The following RANBP2 variants were observed in gnomAD, a reference collection of about 807,000 sequenced individuals.
RANBP2 encodes E3 SUMO-protein ligase RanBP2.
A neutral mutation model predicts 303.6 loss-of-function variants in RANBP2; 57 were observed. That is an observed-to-expected ratio of 0.19 (90% CI 0.15 to 0.23). The LOEUF is 0.23. Among genes scored for constraint, RANBP2 ranks in the 10% least tolerant of loss-of-function variants. RANBP2 has a pLI of 1.00. For missense variants in RANBP2, 3,138 were observed against 3,780.8 expected, an observed-to-expected ratio of 0.83 and a Z score of 4.46; for synonymous variants, 1,167 against 1,301.5, an observed-to-expected ratio of 0.90 and a Z score of 2.23.
At chr2:108,845,512 A>G in the RANBP2 span, among the ~76,000 whole-genome samples, 1 of 152,002 alleles carries the variant, frequency 6.6e-6, no homozygotes, top group Non-Finnish European at 1.5e-5. Flanking sequence ...TTAAGTTTTT[A>G]CCAAATCTGG....
chr2:109,680,573 A>C, the RANBP2 span, among the ~76,000 whole-genome samples: 1 of 152,130 alleles, frequency 6.6e-6, no homozygotes, highest in African/African-American at 2.4e-5. Flanking sequence ...ATGTGTGTTG[A>C]GCAGCACTTC....
At chr2:109,470,759 C>G in the RANBP2 span, among the ~76,000 whole-genome samples, 1 of 152,246 alleles carries the variant, frequency 6.6e-6, no homozygotes, top group Admixed American at 6.5e-5. Context: ...GGCTCAGCCA[C>G]CCCTGTTCCA....
chr2:108,927,278 C>G, the RANBP2 span, among the ~76,000 whole-genome samples: 1 of 152,132 alleles, frequency 6.6e-6, no homozygotes, highest in Non-Finnish European at 1.5e-5. Context: ...CTGAGCAGGT[C>G]ACTGTCCCAT....
the RANBP2 span, among the ~76,000 whole-genome samples, chr2:109,323,487 G>A: frequency 6.6e-6 from 1 of 152,212 alleles, no homozygotes; most frequent in African/African-American, 2.4e-5. Context: ...TGCATTCTCT[G>A]TTAGTGATTG....
the RANBP2 span, among the ~76,000 whole-genome samples, chr2:109,551,101 AAAGG>A: frequency 3.9e-5 from 6 of 152,240 alleles, no homozygotes; most frequent in Non-Finnish European, 1.5e-5. Context: ...TCTTGTCAAT[AAAGG>A]AATAGGGAAG....
the RANBP2 span, among the ~76,000 whole-genome samples, chr2:109,700,851 T>C: frequency 6.6e-6 from 1 of 151,842 alleles, no homozygotes; most frequent in African/African-American, 2.4e-5. Flanking sequence ...AGAGGGCTGA[T>C]GTGGTGACTT....
the RANBP2 span, among the ~76,000 whole-genome samples, chr2:108,963,105 GC>G: frequency 6.6e-6 from 1 of 152,192 alleles, no homozygotes; most frequent in South Asian, 2.1e-4. Flanking sequence ...CCCTGCAGAG[GC>G]CGCAAACTGC....
chr2:108,947,401 C>T, the RANBP2 span, among the ~76,000 whole-genome samples: 2 of 152,196 alleles, frequency 1.3e-5, no homozygotes. Flanking sequence ...GTGCTCGTCT[C>T]ACAGCTCCAC....
the RANBP2 span, among the ~76,000 whole-genome samples, chr2:109,028,925 GTTTA>G: frequency 1.6e-4 from 25 of 152,142 alleles, no homozygotes; most frequent in South Asian, 2.1e-4. Flanking sequence ...AGTTGTGATT[GTTTA>G]TTTATTTATT....
chr2:109,761,661 A>G, the RANBP2 span, among the ~76,000 whole-genome samples: 2 of 145,962 alleles, frequency 1.4e-5, no homozygotes, highest in African/African-American at 2.6e-5. Context: ...CCAACCCGCC[A>G]CTATCTCTTA....
chr2:109,072,609 T>C, the RANBP2 span, among the ~76,000 whole-genome samples: 3 of 152,166 alleles, frequency 2.0e-5, no homozygotes, highest in Non-Finnish European at 2.9e-5. Context: ...ACTGGGACCC[T>C]AGGCTAGGGG....
chr2:108,756,879 A>G (rs1158826317), intron 17 of RANBP2, among the ~76,000 whole-genome samples: 2 of 152,240 alleles, frequency 1.3e-5, no homozygotes, highest in African/African-American at 2.4e-5. Context: ...GCGGATACCA[A>G]CAGTGACCAT....
rs1333354689 is a variant in RANBP2, at chr2:108,730,883, A to G, written c.250A>G (p.Arg84Gly). Residue 84 changes from arginine to glycine, a missense_variant and splice_region_variant, in exon 3 of 29, where the codon AGG (arginine) becomes GGG (glycine). By Grantham distance (125) the Arg-to-Gly change is moderately radical. This residue lies in a region of RANBP2 where 306 missense variants were observed against 381.9 expected (regional missense o/e 0.80). Transcript: ENST00000283195. Reference protein sequence around the residue: ...ENTDKAVECYRRSVELNPTQK... With the variant: ...ENTDKAVECYGRSVELNPTQK... ...CACAGACAAAGCCGTTGAATGTTACAGGGTAAGTTACAGGATTCAAATATA... is the reference window on the plus strand; with the variant it reads ...CACAGACAAAGCCGTTGAATGTTACGGGGTAAGTTACAGGATTCAAATATA... 1.2e-6 allele frequency: 2 copies of G among 1,611,570 alleles called. No homozygotes were observed. The highest frequency in any genetic ancestry group is 2.7e-5 in the African/African-American group (2 of 74,870).
At chr2:108,900,325 G>A in the RANBP2 span, among the ~76,000 whole-genome samples, 1 of 152,228 alleles carries the variant, frequency 6.6e-6, no homozygotes, top group Non-Finnish European at 1.5e-5. Flanking sequence ...GGAGGCCAAG[G>A]CAGATGGATT....
At chr2:109,721,110 C>T in the RANBP2 span, among the ~76,000 whole-genome samples, 1 of 152,110 alleles carries the variant, frequency 6.6e-6, no homozygotes, top group Non-Finnish European at 1.5e-5. Flanking sequence ...TCTGGAACTG[C>T]CAGAAATATT....
the RANBP2 span, among the ~76,000 whole-genome samples, chr2:109,466,591 C>T: frequency 8.5e-5 from 13 of 152,162 alleles, no homozygotes; most frequent in Admixed American, 8.5e-4. Context: ...TCATGGAGCC[C>T]AATTTATTAA....
chr2:109,381,470 A>G, the RANBP2 span, among the ~76,000 whole-genome samples: 2 of 151,626 alleles, frequency 1.3e-5, no homozygotes, highest in East Asian at 2.0e-4. Context: ...TCTCACACCT[A>G]CCCTCCGCAG....
chr2:109,193,996 T>G, the RANBP2 span, among the ~76,000 whole-genome samples: 1 of 152,228 alleles, frequency 6.6e-6, no homozygotes, highest in Non-Finnish European at 1.5e-5. Context: ...AGTGACTGAC[T>G]GCTGAAAATA....
the RANBP2 span, among the ~76,000 whole-genome samples, chr2:108,944,010 G>C: frequency 6.6e-6 from 1 of 152,208 alleles, no homozygotes; most frequent in African/African-American, 2.4e-5. Flanking sequence ...AATGTAAAAG[G>C]CTTGATGTAG....
Sources: gnomAD v4.1 joint callset for allele counts (sites outside exome capture counted in the v4.1 genomes callset) on GRCh38, gnomAD v4.1.1 for gene constraint, gnomAD v4.1.1 regional missense constraint, MANE v1.5 for transcripts, NCBI Gene and HGNC (gene_info 2026-07-23, HGNC 2026-07-21) for gene names.